The following GGH variants were observed in gnomAD, a reference collection of about 807,000 sequenced individuals.
GGH encodes the protein gamma-Glu-X carboxypeptidase.
A neutral mutation model predicts 39.2 loss-of-function variants in GGH; 18 were observed. That is an observed-to-expected ratio of 0.46 (90% confidence interval 0.32 to 0.68). GGH has a LOEUF of 0.68. Ranked by LOEUF, GGH falls within the 30% of genes least tolerant of loss-of-function variation. The pLI, the probability that GGH is intolerant of heterozygous loss-of-function variation, is 0.04. For missense variants in GGH, 367 were observed against 384.1 expected, an observed-to-expected ratio of 0.96 and a Z score of 0.37; for synonymous variants, 147 against 138.8, an observed-to-expected ratio of 1.06 and a Z score of -0.42.
intron 3 of GGH, among the ~76,000 whole-genome samples, chr8:63,029,089 C>T (rs1441210204): frequency 6.6e-6 from 1 of 151,974 alleles, no homozygotes; most frequent in Non-Finnish European, 1.5e-5. Flanking sequence ...TTAAAAGAAA[C>T]AATAAATTAA....
chr8:63,017,098 G>A (rs1416998615), intron 8 of GGH, among the ~76,000 whole-genome samples: 1 of 152,164 alleles, frequency 6.6e-6, no homozygotes, highest in Non-Finnish European at 1.5e-5. Flanking sequence ...TGCCGAGGCA[G>A]GAGGATCCCC....
chr8:63,031,383 A>G lies in GGH; in HGVS notation c.225-1166T>C, dbSNP rs538913073. On this transcript the variant is annotated intron_variant, in intron 2 of 8. Coordinates refer to ENST00000260118, the MANE Select transcript of GGH (RefSeq NM_003878.3). ...TTAAGTGGAGAAAATACTGACAGGT[A>G]GCCCTGCCTTGGGAAGTGATAGGGA... is the stretch of plus-strand genomic sequence containing the variant. Among the ~76,000 whole-genome samples the G allele has an allele frequency of 6.4e-4, 97 of 152,366 alleles. 1 individual carries two copies. Among genetic ancestry groups the G allele is most frequent in the Non-Finnish European group, 9.3e-4 (63 of 68,030 alleles).
intron 3 of GGH, 35 bp from the exon 4 acceptor site, chr8:63,027,300 T>C (rs1295868569): frequency 6.2e-6 from 7 of 1,134,982 alleles, no homozygotes; most frequent in Admixed American, 5.1e-5. Context: ...ATAGGGTGTA[T>C]TTTGCCACCC....
chr8:63,016,451 C>A lies in GGH; in HGVS notation c.836-998G>T, dbSNP rs1023668904. On this transcript the variant is annotated intron_variant, in intron 8 of 8. Coordinates refer to ENST00000260118, the MANE Select transcript of GGH (RefSeq NM_003878.3). ...CAGGAGAGTTGATAAAAACTTAGGGCAAGCTTGGAGATGGAATGAAAGCAA... is the reference window on the plus strand; with the variant it reads ...CAGGAGAGTTGATAAAAACTTAGGGAAAGCTTGGAGATGGAATGAAAGCAA... Among the ~76,000 whole-genome samples, 12 of 152,016 alleles carry A rather than the reference C, an allele frequency of 7.9e-5. No individual in the cohort carries two copies. The East Asian group carries it at 2.3e-3, about 29-fold the overall frequency.
At chr8:63,029,980 T>C in intron 3 of GGH, 187 bp downstream of exon 3, 1 of 414,720 alleles carries the variant, frequency 2.4e-6, no homozygotes. Flanking sequence ...AACCTGCCTC[T>C]TCCTCTTTTG....
At chr8:63,030,860 T>C (rs931276267) in intron 2 of GGH, among the ~76,000 whole-genome samples, 4 of 152,140 alleles carry the variant, frequency 2.6e-5, no homozygotes, top group Non-Finnish European at 5.9e-5. Flanking sequence ...ATCGCCATGT[T>C]ATTGGTGACT....
chr8:63,031,863 A>T (rs1394399439), intron 2 of GGH, among the ~76,000 whole-genome samples: 1 of 152,202 alleles, frequency 6.6e-6, no homozygotes, highest in Non-Finnish European at 1.5e-5. Flanking sequence ...CCTTAACTGT[A>T]ACGAAATGGC....
intron 2 of GGH, among the ~76,000 whole-genome samples, chr8:63,034,879 A>C (rs999982134): frequency 4.0e-4 from 61 of 152,274 alleles, no homozygotes; most frequent in African/African-American, 1.4e-3. Flanking sequence ...GATTCATTAA[A>C]ATTTTTTTCT....
Position 63,035,505 on chromosome 8 carries a change from C to T in GGH, c.224+151G>A, listed in dbSNP as rs528277084. 1,279 of 1,099,168 alleles carry T rather than the reference C, an allele frequency of 1.2e-3. 18 individuals are homozygous for T. The South Asian group carries it at 0.024, about 21-fold the overall frequency. 68.1% of individuals were successfully genotyped at this position (1,099,168 alleles called of 1,614,324 possible). A position where few individuals can be genotyped will look rare whatever the true frequency, so the allele number is the denominator to read the frequency against. On this transcript the variant is annotated intron_variant, in intron 2 of 8. Coordinates refer to ENST00000260118, the MANE Select transcript of GGH (RefSeq NM_003878.3). The stretch of plus-strand genomic sequence containing the variant: ...ATTTTTAGTAGAGACAGGGCTTCAC[C>T]AGGTTGGCCTGGCTGGTCTCGAACT...
At chr8:63,028,019 G>A (rs1804729208) in intron 3 of GGH, 2 of 152,020 alleles carry the variant, frequency 1.3e-5, no homozygotes, top group Non-Finnish European at 2.9e-5. Flanking sequence ...AAGAAAAATG[G>A]TATTAATCAT....
chr8:63,022,249 G>A (rs901028908), intron 7 of GGH, among the ~76,000 whole-genome samples: 15 of 151,658 alleles, frequency 9.9e-5, no homozygotes, highest in African/African-American at 3.6e-4. Flanking sequence ...TTATTGTAGT[G>A]TGCCTTTCTC....
intron 5 of GGH, among the ~76,000 whole-genome samples, chr8:63,025,758 T>C (rs1804672785): frequency 6.6e-6 from 1 of 151,928 alleles, no homozygotes; most frequent in African/African-American, 2.4e-5. Flanking sequence ...TCTTATTTAA[T>C]ATTCACAAAA....
chr8:63,032,574 C>T (rs887575018), intron 2 of GGH, among the ~76,000 whole-genome samples: 1 of 152,142 alleles, frequency 6.6e-6, no homozygotes, highest in African/African-American at 2.4e-5. Context: ...CCCAGGTCTC[C>T]CATCTCTTCC....
intron 1 of GGH, among the ~76,000 whole-genome samples, chr8:63,037,860 TG>T (rs2129689954): frequency 6.6e-6 from 1 of 152,248 alleles, no homozygotes; most frequent in East Asian, 1.9e-4. Context: ...ACTACCTATA[TG>T]AAAAAACATT....
chr8:63,034,046 A>T (rs1339298938), intron 2 of GGH, among the ~76,000 whole-genome samples: 3 of 146,330 alleles, frequency 2.1e-5, no homozygotes, highest in South Asian at 2.1e-4. Flanking sequence ...ATATATATAT[A>T]TTTTTATATA....
At chr8:63,025,451 A>C (rs1041888067) in intron 5 of GGH, among the ~76,000 whole-genome samples, 30 of 152,190 alleles carry the variant, frequency 2.0e-4, no homozygotes, top group African/African-American at 7.2e-4. Context: ...TGCTGAGTAA[A>C]TATAGCGCTT....
intron 3 of GGH, chr8:63,028,351 T>A (rs1216843142): frequency 6.6e-6 from 1 of 152,138 alleles, no homozygotes; most frequent in African/African-American, 2.4e-5. Flanking sequence ...ATCCCAGGTC[T>A]CCAGCTTACA....
chr8:63,020,505 C>T (rs72658359), intron 7 of GGH, among the ~76,000 whole-genome samples: 18,894 of 152,058 alleles, frequency 0.12, 1,382 homozygotes, highest in East Asian at 0.34. Flanking sequence ...CATTAAGAAA[C>T]GTTCCCACAC....
In GGH at chr8:63,024,161, C is replaced by T. The variant is rs778705774; in HGVS notation, c.525G>A (p.Gln175=). 6.2e-7 allele frequency: 1 copy of T among 1,605,040 alleles called. No homozygotes were observed. The highest frequency in any genetic ancestry group is 1.1e-5 in the South Asian group (1 of 90,726). ...TGGQLHSRMF[Q]NFPTELLLSL... Reference sequence around the variant, plus strand: ...ACAGCAACAACTCAGTAGGAAAATTCTGGAACATTCTGCTGTGCAATTGAC... The same window carrying T: ...ACAGCAACAACTCAGTAGGAAAATTTTGGAACATTCTGCTGTGCAATTGAC... Residue 175 remains glutamine, a synonymous_variant, in exon 6 of 9, where the codon CAG becomes CAA. Coordinates refer to ENST00000260118, the MANE Select transcript of GGH (RefSeq NM_003878.3).
Sources: gnomAD v4.1 joint callset for allele counts (sites outside exome capture counted in the v4.1 genomes callset) on GRCh38, gnomAD v4.1.1 for gene constraint, MANE v1.5 for transcripts, NCBI Gene and HGNC (gene_info 2026-07-23, HGNC 2026-07-21) for gene names.